ASNS: variants seen among roughly 807,000 people sequenced by gnomAD.
ASNS encodes the protein asparagine synthetase [glutamine-hydrolyzing].
In ASNS, 37 loss-of-function variants were observed where a neutral mutation model predicts 62.6. The ratio of observed to expected loss-of-function variants is 0.59; its 90% CI spans 0.45 to 0.78. The LOEUF (loss-of-function observed/expected upper bound fraction) is 0.78, where lower values mean the gene tolerates loss of function less well. Ranked by LOEUF, ASNS falls within the 30% of genes least tolerant of loss-of-function variation. The pLI, the probability that ASNS is intolerant of heterozygous loss-of-function variation, is 0.00. For missense variants in ASNS, 520 were observed against 682.4 expected (o/e 0.76, Z 2.65); for synonymous variants, 207 against 237.9 (o/e 0.87, Z 1.19).
chr7:97,890,079 T>G, the ASNS span, among the ~76,000 whole-genome samples: 1 of 151,796 alleles, frequency 6.6e-6, no homozygotes, highest in Non-Finnish European at 1.5e-5. Flanking sequence ...AATTGACAGC[T>G]TTAACAATAG....
At chr7:97,852,823 T>C (rs549893845) in intron 12 of ASNS, among the ~76,000 whole-genome samples, 19 of 152,324 alleles carry the variant, frequency 1.2e-4, no homozygotes, top group African/African-American at 4.6e-4. Flanking sequence ...TAATCCTTCA[T>C]GCTACTTAAT....
At chr7:97,873,876 C>T (rs1792380180), upstream of ASNS, among the ~76,000 whole-genome samples, 1 of 152,104 alleles carries the variant, frequency 6.6e-6, no homozygotes, top group Non-Finnish European at 1.5e-5. Context: ...CCCTTGCCCT[C>T]CTCTTTCAGG....
At chr7:97,895,122 A>G in the ASNS span, among the ~76,000 whole-genome samples, 1 of 152,214 alleles carries the variant, frequency 6.6e-6, no homozygotes, top group South Asian at 2.1e-4. Context: ...GGCAAAAACT[A>G]TCTGATCATC....
chr7:97,857,324 C>T (rs17131823), intron 7 of ASNS, among the ~76,000 whole-genome samples: 22,994 of 152,066 alleles, frequency 0.15, 3,061 homozygotes, highest in African/African-American at 0.36. Flanking sequence ...GAAAGTCCTC[C>T]ATAGTGGGAA....
At chr7:97,916,339 C>G in the ASNS span, among the ~76,000 whole-genome samples, 2 of 152,050 alleles carry the variant, frequency 1.3e-5, no homozygotes, top group Non-Finnish European at 2.9e-5. Flanking sequence ...CGAGATTGCA[C>G]CATTACACTC....
chr7:97,900,939 A>G, the ASNS span, among the ~76,000 whole-genome samples: 1 of 152,200 alleles, frequency 6.6e-6, no homozygotes, highest in Non-Finnish European at 1.5e-5. Flanking sequence ...AATTCCACAT[A>G]GTCCAAAGAT....
chr7:97,879,595 G>A, the ASNS span, among the ~76,000 whole-genome samples: 4 of 152,178 alleles, frequency 2.6e-5, no homozygotes, highest in Non-Finnish European at 4.4e-5. Flanking sequence ...GCAGGAACCT[G>A]GGGCCCTGAG....
At chr7:97,855,061 T>C in intron 9 of ASNS, 1 of 366,620 alleles carries the variant, frequency 2.7e-6, no homozygotes, top group Non-Finnish European at 5.0e-6. Flanking sequence ...CACTGCAGCC[T>C]CAATCTCCTG....
At chr7:97,862,803 T>C (rs1423733698) in intron 4 of ASNS, among the ~76,000 whole-genome samples, 1 of 150,886 alleles carries the variant, frequency 6.6e-6, no homozygotes, top group Non-Finnish European at 1.5e-5. Context: ...GTTTTTAAAA[T>C]AAAATGATCC....
chr7:97,877,068 C>G (rs1305324729), upstream of ASNS, among the ~76,000 whole-genome samples: 1 of 150,242 alleles, frequency 6.7e-6, no homozygotes, highest in Non-Finnish European at 1.5e-5. Context: ...CAACTTCCAT[C>G]AATGGTCAAA....
chr7:97,897,187 C>T, the ASNS span, among the ~76,000 whole-genome samples: 1 of 152,092 alleles, frequency 6.6e-6, no homozygotes, highest in South Asian at 2.1e-4. Context: ...TTCTGCGTAT[C>T]AAAGAAAACA....
chr7:97,852,617 G>T lies in ASNS; in HGVS notation c.1477-149C>A, dbSNP rs542033742. 4.6e-5 allele frequency: 35 copies of T among 768,426 alleles called. No homozygotes were observed. In the African/African-American group the frequency reaches 5.6e-4, roughly 12 times the overall value. The allele number at this position is 768,426 out of a possible 1,614,324, so 47.6% of individuals were successfully genotyped here. On this transcript the variant is annotated intron_variant, in intron 12 of 12. Transcript: ENST00000394308. ...CACCCATCACTTAGAAAATGCTAAA[G>T]TATTCATAATATGGATAGCTGCAGT...
the ASNS span, chr7:97,885,752 C>T: frequency 4.3e-6 from 1 of 230,370 alleles, no homozygotes; most frequent in Admixed American, 5.2e-5. Context: ...CAAATCTATC[C>T]AAAATACCAG....
At chr7:97,887,869 C>T in the ASNS span, among the ~76,000 whole-genome samples, 3 of 152,154 alleles carry the variant, frequency 2.0e-5, no homozygotes, top group African/African-American at 7.2e-5. Flanking sequence ...CTTCTAGTTG[C>T]CTTTATTTAT....
At position 97,853,331 on chromosome 7, in the gene ASNS, G is replaced by A. The variant is rs756986746; in HGVS notation, c.1294C>T (p.Leu432=). 4 of 1,613,536 alleles carry A rather than the reference G, an allele frequency of 2.5e-6. No homozygotes were observed. The highest frequency in any genetic ancestry group is 3.4e-6 in the Non-Finnish European group (4 of 1,179,908). Residue 432 remains leucine (L), a synonymous_variant, in exon 11 of 13, where the codon CTG becomes TTG. Coordinates refer to ENST00000394308, the MANE Select transcript of ASNS (RefSeq NM_001673.5). The stretch of plus-strand genomic sequence containing the variant: ...TTTGGAATTCTCATTTCTGGTGGCA[G>A]AGACAAGTAATAGGAAGAAAATCGA... ...DHRFSSYYLS[L]PPEMRIPKNG... is the part of the protein sequence containing the mutation.
At chr7:97,886,528 A>G in the ASNS span, among the ~76,000 whole-genome samples, 1 of 152,160 alleles carries the variant, frequency 6.6e-6, no homozygotes, top group Admixed American at 6.5e-5. Context: ...AGCATAAGGA[A>G]GACTTGCCCC....
chr7:97,898,953 T>C, the ASNS span: 7 of 922,092 alleles, frequency 7.6e-6, no homozygotes, highest in Non-Finnish European at 1.2e-5. Context: ...TCAGATGCAA[T>C]TTGGGTTCCT....
chr7:97,882,625 T>TTAAA, the ASNS span, among the ~76,000 whole-genome samples: 143 of 142,396 alleles, frequency 1.0e-3, 1 homozygote, highest in Non-Finnish European at 1.5e-3. Flanking sequence ...CAGAGAGAGA[T>TTAAA]TAAATAAATA....
At chr7:97,926,698 C>T in the ASNS span, among the ~76,000 whole-genome samples, 1 of 152,140 alleles carries the variant, frequency 6.6e-6, no homozygotes, top group South Asian at 2.1e-4. Flanking sequence ...AAAGAGCGTG[C>T]CATATTCAGA....
Sources: allele counts gnomAD v4.1 joint callset (sites outside exome capture counted in the v4.1 genomes callset), GRCh38; gene constraint gnomAD v4.1.1; transcripts MANE v1.5; gene names NCBI Gene and HGNC (gene_info 2026-07-23, HGNC 2026-07-21).